Variants in ANKRD30BL observed in about 807,000 individuals in gnomAD.
ANKRD30BL encodes the protein putative ankyrin repeat domain-containing protein 30B-like.
In ANKRD30BL, 20 loss-of-function variants were observed where a neutral mutation model predicts 18.4. The observed-to-expected ratio is 1.09, with a 90% CI of 0.77 to 1.58. ANKRD30BL has a LOEUF of 1.58. Among genes scored for constraint, ANKRD30BL ranks in the 40% most tolerant of loss-of-function variants. The pLI is 0.00. For missense variants in ANKRD30BL, 224 were observed against 268.6 expected (o/e 0.83, Z 1.16); for synonymous variants, 72 against 100.9 (o/e 0.71, Z 1.72).
At chr2:132,164,355 A>T (rs1199835984), upstream of ANKRD30BL, among the ~76,000 whole-genome samples, 10 of 137,984 alleles carry the variant, frequency 7.2e-5, no homozygotes, top group Non-Finnish European at 1.2e-4. Context: ...CAGTGGCGTG[A>T]TCTCGGCTCA....
At chr2:132,204,457 G>GTGTA (rs900571724) in intron 1 of ANKRD30BL, among the ~76,000 whole-genome samples, 2 of 139,796 alleles carry the variant, frequency 1.4e-5, no homozygotes, top group South Asian at 4.5e-4. Flanking sequence ...TACATATAGT[G>GTGTA]TGTATGTATG....
intron 1 of ANKRD30BL, among the ~76,000 whole-genome samples, chr2:132,207,939 G>C (rs549688363): frequency 6.6e-6 from 1 of 152,248 alleles, no homozygotes; most frequent in African/African-American, 2.4e-5. Context: ...ATTCATGATT[G>C]AGCATTCCTT....
At chr2:132,159,889 T>C (rs1195460228) in intron 1 of ANKRD30BL, among the ~76,000 whole-genome samples, 1 of 152,156 alleles carries the variant, frequency 6.6e-6, no homozygotes, top group Non-Finnish European at 1.5e-5. Flanking sequence ...ATTAAAAAAA[T>C]TTAATCTATA....
chr2:132,162,181 G>A (rs540199490), upstream of ANKRD30BL, among the ~76,000 whole-genome samples: 604 of 152,224 alleles, frequency 4.0e-3, 3 homozygotes, highest in African/African-American at 0.014. Context: ...GGGCCCTGGC[G>A]CTGGGCATCG....
upstream of ANKRD30BL, among the ~76,000 whole-genome samples, chr2:132,166,731 A>T (rs1558917328): frequency 6.6e-6 from 1 of 152,066 alleles, no homozygotes; most frequent in East Asian, 1.9e-4. Context: ...TAGCAAGTTT[A>T]TGGATCTTTT....
intron 1 of ANKRD30BL, among the ~76,000 whole-genome samples, chr2:132,168,966 C>A (rs904102548): frequency 6.6e-6 from 1 of 151,668 alleles, no homozygotes; most frequent in African/African-American, 2.4e-5. Context: ...ATTATGATAT[C>A]TTTTTCTATG....
chr2:132,192,009 G>T (rs1210892587), intron 1 of ANKRD30BL, among the ~76,000 whole-genome samples: 2 of 152,120 alleles, frequency 1.3e-5, no homozygotes, highest in Non-Finnish European at 2.9e-5. Context: ...CTTCCAAAGT[G>T]CTGGAAATAG....
chr2:132,213,987 T>G (rs1329765145), intron 1 of ANKRD30BL, among the ~76,000 whole-genome samples: 3 of 151,854 alleles, frequency 2.0e-5, no homozygotes, highest in African/African-American at 7.3e-5. Flanking sequence ...ACGAAATATA[T>G]TCACTTAAAA....
chr2:132,176,861 C>A (rs561621800), intron 1 of ANKRD30BL, among the ~76,000 whole-genome samples: 1 of 152,232 alleles, frequency 6.6e-6, no homozygotes, highest in African/African-American at 2.4e-5. Flanking sequence ...AAAATGGTAT[C>A]CTTTCACTCT....
At position 132,175,257 on chromosome 2, in the gene ANKRD30BL, G is replaced by A. The variant is rs559345597; in HGVS notation, n.442-18111C>T. Reference sequence around the variant, plus strand: ...GCAGTAGGAGAGCAGGGTGATAATAGGGAGAAGGTCAGCAAAAAAACATGT... The same window carrying A: ...GCAGTAGGAGAGCAGGGTGATAATAAGGAGAAGGTCAGCAAAAAAACATGT... On this transcript the variant is annotated intron_variant and non_coding_transcript_variant, in intron 1 of 4. Coordinates refer to the ANKRD30BL transcript ENST00000470729. Among the ~76,000 whole-genome samples, 22 of 151,828 alleles carry A rather than the reference G, an allele frequency of 1.4e-4. 1 individual carries two copies. Among genetic ancestry groups the A allele is most frequent in the Admixed American group, 1.1e-3 (17 of 15,256 alleles).
chr2:132,199,453 A>G (rs1679048772), intron 1 of ANKRD30BL, among the ~76,000 whole-genome samples: 1 of 152,150 alleles, frequency 6.6e-6, no homozygotes, highest in Non-Finnish European at 1.5e-5. Context: ...TTTTGAAACT[A>G]AACACAGAAG....
chr2:132,160,401 C>CA (rs1553469820), intron 1 of ANKRD30BL, among the ~76,000 whole-genome samples: 1 of 97,590 alleles, frequency 1.0e-5, no homozygotes, highest in African/African-American at 4.3e-5. Context: ...ACGCCTGGCC[C>CA]TTTTTTTTTT....
intron 1 of ANKRD30BL, among the ~76,000 whole-genome samples, chr2:132,202,003 G>A (rs1481232204): frequency 6.6e-6 from 1 of 152,204 alleles, no homozygotes; most frequent in Admixed American, 6.5e-5. Flanking sequence ...GGACATGGAT[G>A]AAATTGGAAA....
intron 1 of ANKRD30BL, among the ~76,000 whole-genome samples, chr2:132,227,394 G>C (rs529899909): frequency 1.3e-5 from 2 of 151,726 alleles, no homozygotes; most frequent in African/African-American, 2.4e-5. Context: ...CTAAACTAGA[G>C]AGAAGCATTC....
intron 1 of ANKRD30BL, among the ~76,000 whole-genome samples, chr2:132,194,964 T>C (rs959095424): frequency 1.3e-5 from 2 of 152,238 alleles, no homozygotes; most frequent in African/African-American, 4.8e-5. Context: ...CTTTATGAAG[T>C]AAATTTATAT....
chr2:132,204,225 T>G (rs189242751), intron 1 of ANKRD30BL, among the ~76,000 whole-genome samples: 162 of 152,074 alleles, frequency 1.1e-3, no homozygotes, highest in African/African-American at 3.7e-3. Context: ...TGTGTATCTT[T>G]GAAGGAACAT....
intron 1 of ANKRD30BL, among the ~76,000 whole-genome samples, chr2:132,238,953 A>G (rs1298481031): frequency 6.6e-6 from 1 of 152,000 alleles, no homozygotes; most frequent in Non-Finnish European, 1.5e-5. Context: ...GAAAAAGGAA[A>G]TATCTTCACA....
intron 1 of ANKRD30BL, among the ~76,000 whole-genome samples, chr2:132,222,209 G>C (rs1679711110): frequency 6.8e-6 from 1 of 147,938 alleles, no homozygotes; most frequent in Admixed American, 6.8e-5. Flanking sequence ...CCGGGAGGGT[G>C]GTGGGGGGGT....
At chr2:132,173,311 T>TC (rs1688313025) in intron 1 of ANKRD30BL, among the ~76,000 whole-genome samples, 1 of 150,516 alleles carries the variant, frequency 6.6e-6, no homozygotes, top group African/African-American at 2.4e-5. Context: ...CTTTTTTTTT[T>TC]TTTTTTGAGA....
Sources: gnomAD v4.1 joint callset for allele counts (sites outside exome capture counted in the v4.1 genomes callset) on GRCh38, gnomAD v4.1.1 for gene constraint, MANE v1.5 for transcripts, NCBI Gene and HGNC (gene_info 2026-07-23, HGNC 2026-07-21) for gene names.